Variants in SERGEF observed in about 807,000 individuals in gnomAD.
SERGEF encodes secretion-regulating guanine nucleotide exchange factor.
In SERGEF, 51 loss-of-function variants were observed where a neutral mutation model predicts 50.0. The ratio of observed to expected loss-of-function variants is 1.02; its 90% CI spans 0.81 to 1.29. The LOEUF (loss-of-function observed/expected upper bound fraction) is 1.29. Among genes scored for constraint, SERGEF ranks in the 50% most tolerant of loss-of-function variants. SERGEF has a pLI of 0.00. For synonymous variants in SERGEF, 205 were observed against 212.4 expected (o/e 0.97, Z 0.30); for missense variants, 521 against 557.0 (o/e 0.94, Z 0.65).
intron 10 of SERGEF, among the ~76,000 whole-genome samples, chr11:17,802,485 A>G (rs961355634): frequency 6.6e-6 from 1 of 152,138 alleles, no homozygotes; most frequent in Non-Finnish European, 1.5e-5. Context: ...CAGAGTGTGA[A>G]TCTTTCAAAT....
chr11:17,996,217 T>C (rs1310785593), intron 5 of SERGEF, among the ~76,000 whole-genome samples: 1 of 152,164 alleles, frequency 6.6e-6, no homozygotes, highest in African/African-American at 2.4e-5. Context: ...TATTCATGAT[T>C]AACCTGAAAA....
chr11:17,810,359 TA>T (rs1445257449), intron 10 of SERGEF, among the ~76,000 whole-genome samples: 7 of 152,208 alleles, frequency 4.6e-5, no homozygotes, highest in African/African-American at 9.6e-5. Flanking sequence ...GGAATGCCCT[TA>T]TCCTGGGCTA....
intron 9 of SERGEF, among the ~76,000 whole-genome samples, chr11:17,929,223 C>T (rs1357388163): frequency 6.6e-6 from 1 of 152,112 alleles, no homozygotes; most frequent in Non-Finnish European, 1.5e-5. Flanking sequence ...TCTCTCATGC[C>T]CCCAAGAAAA....
rs775225742 is a variant in SERGEF at position 18,007,959 on chromosome 11, G to A, written c.178C>T (p.His60Tyr). ...SVRRITGGGG[H>Y]SAVVTDGGDL... is the part of the protein sequence containing the mutation. ...AAATTACCTGTGACAACTGCAGAGT[G>A]GCCCCCTCCTCCTGTGATCCTCCTG... The change falls in exon 2 of 11, where the codon CAC becomes TAC. Residue 60 changes from histidine to tyrosine, a missense_variant. His to Tyr is a moderately conservative substitution (Grantham distance 83). Transcript: ENST00000265965. 3.7e-6 allele frequency: 6 copies of A among 1,613,478 alleles called. No homozygotes were observed. The East Asian group carries it at 1.3e-4, about 36-fold the overall frequency.
intron 6 of SERGEF, 37 bp from the exon 7 acceptor site, chr11:17,993,030 T>G (rs1339212499): frequency 1.9e-6 from 3 of 1,581,222 alleles, no homozygotes; most frequent in Non-Finnish European, 2.6e-6. Context: ...ATTACATTTA[T>G]AACAGAACAA....
At chr11:17,854,293 T>C (rs780493630) in intron 10 of SERGEF, among the ~76,000 whole-genome samples, 7 of 152,190 alleles carry the variant, frequency 4.6e-5, no homozygotes, top group Non-Finnish European at 1.0e-4. Flanking sequence ...CATTCCAACC[T>C]TCTACCAAGT....
At chr11:17,846,804 G>C (rs1850621079) in intron 10 of SERGEF, 1 of 455,798 alleles carries the variant, frequency 2.2e-6, no homozygotes, top group Admixed American at 2.3e-5. Flanking sequence ...ACCCAGAATG[G>C]TGGCTGACAT....
chr11:18,005,855 CCA>C (rs1367518890), intron 3 of SERGEF, among the ~76,000 whole-genome samples: 6 of 152,180 alleles, frequency 3.9e-5, no homozygotes, highest in Non-Finnish European at 8.8e-5. Context: ...AAAAAAAATC[CCA>C]CAGTGTGAAA....
chr11:17,858,732 TACAGAGGTATG>T (rs1198889461), intron 10 of SERGEF, among the ~76,000 whole-genome samples: 4 of 152,052 alleles, frequency 2.6e-5, no homozygotes, highest in African/African-American at 9.7e-5. Flanking sequence ...AGGAACCATT[TACAGAGGTATG>T]GACAATGTTT....
At chr11:17,983,984 T>A (rs1219548980) in intron 8 of SERGEF, among the ~76,000 whole-genome samples, 1 of 152,102 alleles carries the variant, frequency 6.6e-6, no homozygotes, top group East Asian at 1.9e-4. Flanking sequence ...TGGATAGGGA[T>A]CAAGAACTAG....
intron 9 of SERGEF, among the ~76,000 whole-genome samples, chr11:17,881,263 G>A (rs1302247010): frequency 1.3e-5 from 2 of 152,238 alleles, no homozygotes; most frequent in Non-Finnish European, 1.5e-5. Flanking sequence ...CCCTGGGGCT[G>A]TGACTGTAGA....
At chr11:17,822,462 G>A (rs1850102701) in intron 10 of SERGEF, among the ~76,000 whole-genome samples, 2 of 152,160 alleles carry the variant, frequency 1.3e-5, no homozygotes, top group African/African-American at 2.4e-5. Context: ...GAGAGGTGAA[G>A]GGGAAGTTAC....
At chr11:17,973,327 T>G (rs1214754421) in intron 8 of SERGEF, among the ~76,000 whole-genome samples, 2 of 152,172 alleles carry the variant, frequency 1.3e-5, no homozygotes, top group Non-Finnish European at 2.9e-5. Context: ...GCAAAGCCCA[T>G]CCACTGCCAT....
chr11:17,812,637 T>C (rs1336148359), intron 10 of SERGEF, among the ~76,000 whole-genome samples: 1 of 152,208 alleles, frequency 6.6e-6, no homozygotes, highest in Non-Finnish European at 1.5e-5. Context: ...AGGGCTCAGC[T>C]GTGTTTGCCT....
intron 8 of SERGEF, among the ~76,000 whole-genome samples, chr11:17,984,901 G>A (rs1853564221): frequency 6.6e-6 from 1 of 152,204 alleles, no homozygotes; most frequent in Non-Finnish European, 1.5e-5. Flanking sequence ...CTGCTCTCAT[G>A]TAATTTACAG....
intron 10 of SERGEF, among the ~76,000 whole-genome samples, chr11:17,825,165 G>A (rs1432434486): frequency 6.6e-6 from 1 of 152,216 alleles, no homozygotes; most frequent in Non-Finnish European, 1.5e-5. Context: ...CAGATACTGA[G>A]TTATGTGCTG....
Position 18,008,208 on chromosome 11 carries a change from C to CT in SERGEF, c.61-133dup, listed in dbSNP as rs572334757. The CT allele has an allele frequency of 8.1e-4, 746 of 918,574 alleles. 5 individuals carry two copies. Among genetic ancestry groups the CT allele is most frequent in the South Asian group, 7.6e-3 (272 of 35,930 alleles). The allele number at this position is 918,574 out of a possible 1,614,324, so 56.9% of individuals were successfully genotyped here. A position where few individuals can be genotyped will look rare whatever the true frequency, so the allele number is the denominator to read the frequency against. The stretch of plus-strand genomic sequence containing the variant: ...ACAGATGAGATTTATTAGGCTCATT[C>CT]TTTTTTAAAAAAAAATTTTTAGCTC... On this transcript the variant is annotated intron_variant, in intron 1 of 10. Transcript: ENST00000265965.
chr11:17,881,238 G>A (rs1401866666), intron 9 of SERGEF, among the ~76,000 whole-genome samples: 1 of 152,186 alleles, frequency 6.6e-6, no homozygotes, highest in Admixed American at 6.5e-5. Flanking sequence ...CCCTGCTTCT[G>A]ACTGCTGGGG....
In SERGEF at chr11:17,915,913, TAA is replaced by T. The variant is rs1019905330; in HGVS notation, c.1012-37671_1012-37670del. Among the ~76,000 whole-genome samples, 8 of 152,192 alleles carry T rather than the reference TAA, an allele frequency of 5.3e-5. No homozygotes were observed. The East Asian group carries it at 1.3e-3, about 26-fold the overall frequency. On this transcript the variant is annotated intron_variant, in intron 9 of 10. Coordinates refer to ENST00000265965, the MANE Select transcript of SERGEF (RefSeq NM_012139.4). ...AGTGGCTGGAAAACCAGGGAGGAGC[TAA>T]AGAGTCTGGCCAGGTGAGGGACAGC...
Sources: allele counts gnomAD v4.1 joint callset (sites outside exome capture counted in the v4.1 genomes callset), GRCh38; gene constraint gnomAD v4.1.1; transcripts MANE v1.5; gene names NCBI Gene and HGNC (gene_info 2026-07-23, HGNC 2026-07-21).